Variants in THRAP3 observed in about 807,000 individuals in gnomAD.
THRAP3 encodes the protein thyroid hormone receptor associated protein 3, also known as thyroid hormone receptor-associated protein 3.
Under a neutral mutation model 101.0 loss-of-function variants are expected in THRAP3, and 16 were observed. That is an observed-to-expected ratio of 0.16 (90% CI 0.11 to 0.24). THRAP3 has a LOEUF of 0.24. Ranked by LOEUF, THRAP3 falls within the 10% of genes least tolerant of loss-of-function variation. THRAP3 has a pLI of 1.00. For synonymous variants in THRAP3, 407 were observed against 422.6 expected, an observed-to-expected ratio of 0.96 and a Z score of 0.45; for missense variants, 989 against 1,202.7, an observed-to-expected ratio of 0.82 and a Z score of 2.63.
chr1:36,270,422 C>T (rs972929173), intron 2 of THRAP3, among the ~76,000 whole-genome samples: 1 of 152,114 alleles, frequency 6.6e-6, no homozygotes, highest in Non-Finnish European at 1.5e-5. Flanking sequence ...GGCACACGCA[C>T]ACGCACGCAT....
intron 2 of THRAP3, among the ~76,000 whole-genome samples, chr1:36,265,504 T>C (rs1205169191): frequency 6.9e-6 from 1 of 144,564 alleles, no homozygotes; most frequent in Non-Finnish European, 1.5e-5. Flanking sequence ...GCACATGGCA[T>C]GCATGGCACA....
rs764804975 is a variant in THRAP3, at chr1:36,289,774, G to A, written c.1745+10G>A. On this transcript the variant is annotated intron_variant, in intron 5 of 11. Transcript: ENST00000354618. ...ATGAGGACCTCGCACGGTGAGATAT[G>A]CTCCTTCTTGATCCTCAGTGCTTTA... The A allele has an allele frequency of 5.0e-6, 8 of 1,584,404 alleles. No homozygotes were observed. The highest frequency in any genetic ancestry group is 1.4e-5 in the African/African-American group (1 of 73,794).
chr1:36,283,963 A>G (rs967779489), intron 3 of THRAP3, among the ~76,000 whole-genome samples: 2 of 152,220 alleles, frequency 1.3e-5, no homozygotes, highest in African/African-American at 4.8e-5. Flanking sequence ...ATTGCTTTTA[A>G]AGCCATGGGA....
At chr1:36,284,526 CAG>C (rs1645771654) in intron 3 of THRAP3, among the ~76,000 whole-genome samples, 1 of 152,188 alleles carries the variant, frequency 6.6e-6, no homozygotes, top group South Asian at 2.1e-4. Flanking sequence ...AGTATCTATC[CAG>C]AGAGTTTGAG....
the THRAP3 span, among the ~76,000 whole-genome samples, chr1:36,217,496 G>T: frequency 6.6e-6 from 1 of 152,008 alleles, no homozygotes; most frequent in South Asian, 2.1e-4. Context: ...AGAGATCCAA[G>T]ATAGATCTTG....
chr1:36,248,169 G>A (rs773290317), intron 1 of THRAP3, among the ~76,000 whole-genome samples: 16 of 151,914 alleles, frequency 1.1e-4, no homozygotes, highest in Non-Finnish European at 2.2e-4. Flanking sequence ...CATGAGCCAC[G>A]GTGCCCAGCC....
upstream of THRAP3, among the ~76,000 whole-genome samples, chr1:36,223,436 T>A (rs990387648): frequency 6.6e-6 from 1 of 152,202 alleles, no homozygotes; most frequent in Non-Finnish European, 1.5e-5. Context: ...GCTCACAGTC[T>A]TGTCGGGGAA....
chr1:36,257,471 A>G (rs1645390135), intron 1 of THRAP3, among the ~76,000 whole-genome samples: 1 of 152,192 alleles, frequency 6.6e-6, no homozygotes, highest in Non-Finnish European at 1.5e-5. Flanking sequence ...TCTCCTTGCT[A>G]ATACACTGCT....
chr1:36,296,821 C>A, intron 9 of THRAP3, 51 bp downstream of exon 9: 1 of 1,456,704 alleles, frequency 6.9e-7, no homozygotes, highest in South Asian at 1.4e-5. Context: ...CTTGTCTGTC[C>A]CCTTTGGGCT....
At chr1:36,254,486 AAAT>A (rs1645348135) in intron 1 of THRAP3, among the ~76,000 whole-genome samples, 1 of 152,336 alleles carries the variant, frequency 6.6e-6, no homozygotes, top group East Asian at 1.9e-4. Context: ...TGGTAATTAA[AAAT>A]AATAATAAAA....
intron 2 of THRAP3, among the ~76,000 whole-genome samples, chr1:36,282,299 T>A (rs1401048915): frequency 6.6e-6 from 1 of 151,476 alleles, no homozygotes; most frequent in Non-Finnish European, 1.5e-5. Context: ...AGAGGTGTGA[T>A]CACAGCTCAC....
chr1:36,266,752 G>C (rs1353119725), intron 2 of THRAP3, among the ~76,000 whole-genome samples: 3 of 152,162 alleles, frequency 2.0e-5, no homozygotes, highest in African/African-American at 7.2e-5. Context: ...ATAAGTTTAA[G>C]TACAGTCAGA....
the THRAP3 span, among the ~76,000 whole-genome samples, chr1:36,209,439 C>G: frequency 1.3e-5 from 2 of 152,146 alleles, no homozygotes; most frequent in African/African-American, 4.8e-5. Flanking sequence ...CATCCCTGGC[C>G]TCAATACCCA....
At chr1:36,219,032 C>CAAAAAAAAAAAAAAAAAAAAAAAAAA in the THRAP3 span, among the ~76,000 whole-genome samples, 1 of 64,714 alleles carries the variant, frequency 1.5e-5, no homozygotes, top group Non-Finnish European at 3.6e-5. Context: ...GGCTCCATCT[C>CAAAAAAAAAAAAAAAAAAAAAAAAAA]AAAAAAAAAA....
At chr1:36,240,014 CAAA>C (rs1645136169) in intron 1 of THRAP3, among the ~76,000 whole-genome samples, 1 of 152,026 alleles carries the variant, frequency 6.6e-6, no homozygotes, top group South Asian at 2.1e-4. Flanking sequence ...GTTTGTTACA[CAAA>C]GAATATAAAT....
rs545706484 is a variant in THRAP3 at position 36,254,522 on chromosome 1, A to G, written c.-134-4860A>G. Among the ~76,000 whole-genome samples, 5 of 152,330 alleles carry G rather than the reference A, an allele frequency of 3.3e-5. No homozygotes were observed. The East Asian group carries it at 9.6e-4, about 29-fold the overall frequency. On this transcript the variant is annotated intron_variant, in intron 1 of 11. Coordinates refer to ENST00000354618, the MANE Select transcript of THRAP3 (RefSeq NM_005119.4). ...AAATGTGATACTGCCTATGCATGGT[A>G]TGTGAAATGCTGTTGAGTTATAACT...
chr1:36,290,185 G>GTC lies in THRAP3; in HGVS notation c.1745+435_1745+436dup, dbSNP rs558704460. Among the ~76,000 whole-genome samples, 18 of 151,492 alleles carry GTC rather than the reference G, an allele frequency of 1.2e-4. No homozygotes were observed. In the South Asian group the frequency reaches 1.9e-3, roughly 16 times the overall value. On this transcript the variant is annotated intron_variant, in intron 5 of 11. Coordinates refer to ENST00000354618, the MANE Select transcript of THRAP3 (RefSeq NM_005119.4). ...TGTATTGTATTGTATTTTTGAGATA[G>GTC]TCTCTCTCTCTCTCTTCTTTTTTTT...
At chr1:36,301,201 C>T in intron 10 of THRAP3, 117 bp downstream of exon 10, 2 of 1,085,694 alleles carry the variant, frequency 1.8e-6, no homozygotes, top group Non-Finnish European at 2.6e-6. Flanking sequence ...TCCAAAGACC[C>T]TGGAATCTTT....
chr1:36,298,322 C>T (rs992692584), intron 9 of THRAP3, among the ~76,000 whole-genome samples: 29 of 151,996 alleles, frequency 1.9e-4, no homozygotes, highest in African/African-American at 4.8e-4. Context: ...AGTGGTAGTA[C>T]AGTAGTGCCT....
Sources: allele counts gnomAD v4.1 joint callset (sites outside exome capture counted in the v4.1 genomes callset), GRCh38; gene constraint gnomAD v4.1.1; transcripts MANE v1.5; gene names NCBI Gene and HGNC (gene_info 2026-07-23, HGNC 2026-07-21).